The following KRT10 variants were observed in gnomAD, a reference collection of about 807,000 sequenced individuals.
The protein encoded by KRT10 is keratin 10.
Under a neutral mutation model 59.2 loss-of-function variants are expected in KRT10, and 40 were observed. The observed-to-expected ratio is 0.68, with a 90% CI of 0.52 to 0.88. The LOEUF (loss-of-function observed/expected upper bound fraction) is 0.88. Ranked by LOEUF, KRT10 falls within the 40% of genes least tolerant of loss-of-function variation. KRT10 has a pLI of 0.00. For missense variants in KRT10, 719 were observed against 749.1 expected (o/e 0.96, Z 0.47); for synonymous variants, 336 against 310.7 (o/e 1.08, Z -0.86).
chr17:40,820,748 T>A, intron 2 of KRT10, 81 bp from the exon 3 acceptor site: 1 of 1,411,636 alleles, frequency 7.1e-7, no homozygotes, highest in Non-Finnish European at 1.0e-6. Context: ...AAAAAGCAGC[T>A]ACATAGTTGA....
At position 40,819,097 on chromosome 17, in the gene KRT10, C is replaced by T. The variant is rs1221158409; in HGVS notation, c.1438G>A (p.Gly480Ser). The T allele has an allele frequency of 1.9e-5, 28 of 1,464,958 alleles. No individual in the cohort carries two copies. Among genetic ancestry groups the T allele is most frequent in the Non-Finnish European group, 2.4e-5 (27 of 1,109,200 alleles). 90.7% of individuals were successfully genotyped at this position (1,464,958 alleles called of 1,614,324 possible). A position where few individuals can be genotyped will look rare whatever the true frequency, so the allele number is the denominator to read the frequency against. ...CCGTGGCCGCCGCCGGAGCTTCCGC[C>T]GCCGGAGCTTCCGCCGCCGTAGCCG... ...GGGYGGGSSG[G>S]GSSGGGHGGG... Residue 480 changes from glycine to serine, a missense_variant, in exon 7 of 8, where the codon GGC becomes AGC. Transcript: ENST00000269576.
At position 40,819,617 on chromosome 17, in the gene KRT10, T is replaced by C; in HGVS notation, c.1273A>G (p.Thr425Ala). ...EEQLQQIRAE[T>A]ECQNTEYQQL... ...TGGTATTCAGTATTCTGGCACTCGG[T>C]TTCAGCTCGAATCTGTTGCAACTGT... Residue 425 changes from threonine to alanine, a missense_variant, in exon 6 of 8, where the codon ACC becomes GCC. Physicochemically the swap from Thr to Ala is moderately conservative, Grantham distance 58. This residue lies in a region of KRT10 where 315 missense variants were observed against 270.6 expected (regional missense o/e 1.16). Transcript: ENST00000269576. 1 of 1,614,246 alleles carries C rather than the reference T, an allele frequency of 6.2e-7. No homozygotes were observed. Among genetic ancestry groups the C allele is most frequent in the Non-Finnish European group, 8.5e-7 (1 of 1,180,036 alleles).
Position 40,822,424 on chromosome 17 carries a change from A to T in KRT10, c.162T>A (p.Gly54=), listed in dbSNP as rs200567513. 3.8e-5 allele frequency: 61 copies of T among 1,613,702 alleles called. No homozygotes were observed. Among genetic ancestry groups the T allele is most frequent in the Non-Finnish European group, 5.1e-5 (60 of 1,179,806 alleles). Residue 54 remains glycine (G), a synonymous_variant, in exon 1 of 8, where the codon GGT becomes GGA. Coordinates refer to ENST00000269576, the MANE Select transcript of KRT10 (RefSeq NM_000421.5). ...CAGAGCTCCCACGGCTAAAAGAGCC[A>T]CCACTGAACCCCCCTGAGCTAAATC... ...GGGFSSGGFS[G]GSFSRGSSGG...
At position 40,819,168 on chromosome 17, in the gene KRT10, G is replaced by A. The variant is rs1168392816; in HGVS notation, c.1374-7C>T. The A allele has an allele frequency of 1.3e-6, 2 of 1,575,442 alleles. No individual in the cohort carries two copies. Among genetic ancestry groups the A allele is most frequent in the South Asian group, 1.1e-5 (1 of 88,838 alleles). On this transcript the variant is annotated splice_polypyrimidine_tract_variant and splice_region_variant and intron_variant, in intron 6 of 7. Coordinates refer to ENST00000269576, the MANE Select transcript of KRT10 (RefSeq NM_000421.5). ...GCGTCCGCCGCCTCCGGAACTAAACGGGGTGAGGTCACATTCGGTTATCTC... is the reference window on the plus strand; with the variant it reads ...GCGTCCGCCGCCTCCGGAACTAAACAGGGTGAGGTCACATTCGGTTATCTC...
rs570853437 is a variant in KRT10 at position 40,818,999 on chromosome 17, G to GCCGCCGCCGGAGCTT, written c.1521_1535dup (p.Ser508_Gly512dup). 2,747 of 1,378,976 alleles carry GCCGCCGCCGGAGCTT rather than the reference G, an allele frequency of 2.0e-3. 6 individuals carry two copies. Among genetic ancestry groups the GCCGCCGCCGGAGCTT allele is most frequent in the South Asian group, 2.4e-3 (153 of 63,498 alleles). The allele number at this position is 1,378,976 out of a possible 1,614,324, so 85.4% of individuals were successfully genotyped here. A position where few individuals can be genotyped will look rare whatever the true frequency, so the allele number is the denominator to read the frequency against. On this transcript the variant is annotated inframe_insertion, in exon 7 of 8. Transcript: ENST00000269576. ...CGCCGCTGGAGCTTCCGCCCCCGTA[G>GCCGCCGCCGGAGCTT]CCGCCGCCGGAGCTTCCGCCGCCGG...
chr17:40,822,576 G>A lies in KRT10; in HGVS notation c.10C>T (p.Arg4Ter). The A allele has an allele frequency of 1.9e-6, 3 of 1,601,284 alleles. No individual in the cohort carries two copies. The highest frequency in any genetic ancestry group is 1.1e-5 in the South Asian group (1 of 91,064). MSV[R>*]YSSSKHYSSS... ...GAGTAGTGCTTGCTTGAGCTGTATC[G>A]AACAGACATGGTGATGCTGTTTAGC... is the stretch of plus-strand genomic sequence containing the variant. Residue 4 changes from arginine to a stop codon, truncating the protein, a stop_gained, in exon 1 of 8, where the codon CGA becomes TGA. Transcript: ENST00000269576. LOFTEE classifies it high-confidence loss of function.
chr17:40,818,850 G>GGGCTGCCGCCGCCGT lies in KRT10; in HGVS notation c.1684_1685insACGGCGGCGGCAGCC (p.Ser562delinsTyrGlyGlyGlySerPro). The GGGCTGCCGCCGCCGT allele has an allele frequency of 8.5e-7, 1 of 1,170,060 alleles. No individual in the cohort carries two copies. The highest frequency in any genetic ancestry group is 3.8e-5 in the East Asian group (1 of 26,560). The allele number at this position is 1,170,060 out of a possible 1,614,324, so 72.5% of individuals were successfully genotyped here. The stretch of plus-strand genomic sequence containing the variant: ...AGAGGAGGACTTGTGGCCTCCGCTG[G>GGGCTGCCGCCGCCGT]AGCTGCCGCCGCCGTATCCGCCGCC... On this transcript the variant is annotated protein_altering_variant, in exon 7 of 8. Coordinates refer to ENST00000269576, the MANE Select transcript of KRT10 (RefSeq NM_000421.5).
Position 40,819,147 on chromosome 17 carries a change from C to A in KRT10, c.1388G>T (p.Gly463Val). 1 of 1,543,524 alleles carries A rather than the reference C, an allele frequency of 6.5e-7. No homozygotes were observed. Among genetic ancestry groups the A allele is most frequent in the Non-Finnish European group, 8.7e-7 (1 of 1,154,740 alleles). The change falls in exon 7 of 8, where the codon GGA (glycine) becomes GTA (valine). Residue 463 changes from glycine (G) to valine (V), a missense_variant. By Grantham distance (109) the Gly-to-Val change is moderately radical. Around this residue, in one of 4 missense-constraint regions of KRT10, gnomAD observed 315 missense variants for 270.6 expected, o/e 1.16. Coordinates refer to ENST00000269576, the MANE Select transcript of KRT10 (RefSeq NM_000421.5). ...GCCGCCGAAACTTCCGCCGCCGCGTCCGCCGCCTCCGGAACTAAACGGGGT... is the reference window on the plus strand; with the variant it reads ...GCCGCCGAAACTTCCGCCGCCGCGTACGCCGCCTCCGGAACTAAACGGGGT... ...LEGEGSSGGG[G>V]RGGGSFGGGY...
intron 6 of KRT10, 71 bp from the exon 7 acceptor site, chr17:40,819,232 T>A (rs1905232758): frequency 3.8e-6 from 6 of 1,587,140 alleles, no homozygotes; most frequent in Non-Finnish European, 5.1e-6. Flanking sequence ...CAGTTGCCGT[T>A]AATTTAGAAA....
At chr17:40,819,351 A>T in intron 6 of KRT10, 166 bp downstream of exon 6, 2 of 1,369,684 alleles carry the variant, frequency 1.5e-6, no homozygotes, top group South Asian at 2.6e-5. Flanking sequence ...ATTTTGGGCC[A>T]AATTCATGAG....
intron 1 of KRT10, among the ~76,000 whole-genome samples, chr17:40,821,364 A>G (rs1905371656): frequency 6.6e-6 from 1 of 152,204 alleles, no homozygotes; most frequent in Admixed American, 6.5e-5. Flanking sequence ...CTGGAATTAT[A>G]TAGATGTATT....
At chr17:40,821,389 C>T (rs1905373510) in intron 1 of KRT10, among the ~76,000 whole-genome samples, 1 of 152,124 alleles carries the variant, frequency 6.6e-6, no homozygotes, top group African/African-American at 2.4e-5. Flanking sequence ...TAAGTGTGCC[C>T]TCCTCTTTTA....
intron 6 of KRT10, 129 bp from the exon 7 acceptor site, chr17:40,819,290 T>C: frequency 6.6e-7 from 1 of 1,523,028 alleles, no homozygotes; most frequent in Non-Finnish European, 8.8e-7. Flanking sequence ...GTATATATTT[T>C]AAAACCCATC....
At chr17:40,819,478 A>G (rs1185375441) in intron 6 of KRT10, 39 bp downstream of exon 6, 6 of 1,565,958 alleles carry the variant, frequency 3.8e-6, no homozygotes, top group Non-Finnish European at 4.4e-6. Flanking sequence ...GGAATATTGA[A>G]TAAAAGAAAC....
In KRT10 at chr17:40,822,341, C is replaced by G; in HGVS notation, c.245G>C (p.Gly82Ala). The stretch of plus-strand genomic sequence containing the variant: ...TCCATAGCTTCCACGAAAGCTACCT[C>G]CACCAAAACCTCCTAATCCTCCATA... ...GGYGGLGGFGGGSFRGSYGSS... is the reference protein window; with the variant it reads ...GGYGGLGGFGAGSFRGSYGSS... The change falls in exon 1 of 8, where the codon GGA (glycine) becomes GCA (alanine). Residue 82 changes from glycine to alanine, a missense_variant. By Grantham distance (60) the Gly-to-Ala change is moderately conservative (BLOSUM62 0). Around this residue, in one of 4 missense-constraint regions of KRT10, gnomAD observed 176 missense variants for 175.7 expected, o/e 1.00. Transcript: ENST00000269576. The G allele has an allele frequency of 6.3e-7, 1 of 1,598,082 alleles. No homozygotes were observed. Among genetic ancestry groups the G allele is most frequent in the Non-Finnish European group, 8.5e-7 (1 of 1,171,198 alleles).
chr17:40,820,993 G>A, intron 2 of KRT10, 42 bp downstream of exon 2: 1 of 1,433,018 alleles, frequency 7.0e-7, no homozygotes, highest in Non-Finnish European at 9.8e-7. Flanking sequence ...AACCACTGAT[G>A]TATTCGTTGT....
At position 40,822,407 on chromosome 17, in the gene KRT10, C is replaced by G. The variant is rs772848992; in HGVS notation, c.179G>C (p.Gly60Ala). ...CCCAAAGCAGCCCCCACCAGAGCTCCCACGGCTAAAAGAGCCACCACTGAA... is the reference window on the plus strand; with the variant it reads ...CCCAAAGCAGCCCCCACCAGAGCTCGCACGGCTAAAAGAGCCACCACTGAA... ...GGFSGGSFSR[G>A]SSGGGCFGGS... The change falls in exon 1 of 8, where the codon GGG becomes GCG. Residue 60 changes from glycine (G) to alanine (A), a missense_variant. By Grantham distance (60) the Gly-to-Ala change is moderately conservative. This residue lies in a region of KRT10 where 176 missense variants were observed against 175.7 expected (regional missense o/e 1.00). Transcript: ENST00000269576. The G allele has an allele frequency of 1.9e-6, 3 of 1,613,310 alleles. No individual in the cohort carries two copies. Among genetic ancestry groups the G allele is most frequent in the African/African-American group, 1.3e-5 (1 of 74,944 alleles).
Position 40,821,019 on chromosome 17 carries a change from C to G in KRT10, c.710+16G>C. On this transcript the variant is annotated intron_variant, in intron 2 of 7. Coordinates refer to ENST00000269576, the MANE Select transcript of KRT10 (RefSeq NM_000421.5). ...TATTCGTTGTGATAGTATTATACAACGATCACTTAACTTACTTCAGCCTGA... is the reference window on the plus strand; with the variant it reads ...TATTCGTTGTGATAGTATTATACAAGGATCACTTAACTTACTTCAGCCTGA... 6.3e-7 allele frequency: 1 copy of G among 1,588,324 alleles called. No individual in the cohort carries two copies. Among genetic ancestry groups the G allele is most frequent in the South Asian group, 1.1e-5 (1 of 90,458 alleles).
chr17:40,821,592 T>C (rs958632644), intron 1 of KRT10, among the ~76,000 whole-genome samples: 1 of 152,262 alleles, frequency 6.6e-6, no homozygotes, highest in African/African-American at 2.4e-5. Context: ...ATGTTGGTAC[T>C]GAATATGGCT....
Sources: allele counts gnomAD v4.1 joint callset (sites outside exome capture counted in the v4.1 genomes callset), GRCh38; gene constraint gnomAD v4.1.1; regional missense constraint gnomAD v4.1.1; transcripts MANE v1.5; gene names NCBI Gene and HGNC (gene_info 2026-07-23, HGNC 2026-07-21).